KIAA1328: variants seen among roughly 807,000 people sequenced by gnomAD.
KIAA1328 encodes the protein KIAA1328.
A neutral mutation model predicts 68.1 loss-of-function variants in KIAA1328; 52 were observed. The ratio of observed to expected loss-of-function variants is 0.76; its 90% CI spans 0.61 to 0.96. KIAA1328 has a LOEUF of 0.96. Among genes scored for constraint, KIAA1328 ranks in the 40% least tolerant of loss-of-function variants. KIAA1328 has a pLI of 0.00. For synonymous variants in KIAA1328, 232 were observed against 239.4 expected (o/e 0.97, Z 0.28); for missense variants, 641 against 677.6 (o/e 0.95, Z 0.60).
At chr18:37,143,142 A>G (rs1408698224) in intron 7 of KIAA1328, among the ~76,000 whole-genome samples, 3 of 151,912 alleles carry the variant, frequency 2.0e-5, no homozygotes, top group South Asian at 2.1e-4. Flanking sequence ...TTTAGTAGCA[A>G]TGGGATTTTG....
chr18:37,117,461 C>T (rs993275253), intron 7 of KIAA1328, among the ~76,000 whole-genome samples: 8 of 151,864 alleles, frequency 5.3e-5, no homozygotes, highest in South Asian at 2.1e-4. Flanking sequence ...TTGGACACAG[C>T]GGTAGCGAAC....
chr18:37,002,792 A>G (rs1011380887), intron 6 of KIAA1328, among the ~76,000 whole-genome samples: 5 of 152,058 alleles, frequency 3.3e-5, no homozygotes, highest in African/African-American at 1.2e-4. Context: ...ATTTAGTGCA[A>G]TTTCTATCAA....
intron 6 of KIAA1328, among the ~76,000 whole-genome samples, chr18:37,060,712 C>T (rs1014539427): frequency 6.6e-6 from 1 of 152,154 alleles, no homozygotes; most frequent in African/African-American, 2.4e-5. Flanking sequence ...TTTGCACCAG[C>T]CTAATATAAG....
chr18:37,064,537 C>T (rs2056274199), intron 6 of KIAA1328, among the ~76,000 whole-genome samples: 3 of 43,702 alleles, frequency 6.9e-5, no homozygotes, highest in East Asian at 8.5e-4. Flanking sequence ...ACTGAAAGTA[C>T]CCCCCCCCCC....
intron 6 of KIAA1328, among the ~76,000 whole-genome samples, chr18:37,025,222 G>A (rs1339478601): frequency 2.0e-5 from 3 of 152,058 alleles, no homozygotes; most frequent in Non-Finnish European, 2.9e-5. Context: ...GATTCATAAA[G>A]CAAGTCCTCA....
chr18:37,050,109 A>C (rs2055631510), intron 6 of KIAA1328, among the ~76,000 whole-genome samples: 1 of 152,176 alleles, frequency 6.6e-6, no homozygotes, highest in Non-Finnish European at 1.5e-5. Flanking sequence ...TCTGGTTTCT[A>C]TTCCTGAGCC....
intron 5 of KIAA1328, among the ~76,000 whole-genome samples, chr18:36,907,851 A>G (rs932140926): frequency 6.6e-6 from 1 of 152,080 alleles, no homozygotes; most frequent in Non-Finnish European, 1.5e-5. Context: ...TCGTGTTAAA[A>G]TTTACTAAGA....
At chr18:37,059,402 AG>A (rs1338260367) in intron 6 of KIAA1328, among the ~76,000 whole-genome samples, 3 of 152,248 alleles carry the variant, frequency 2.0e-5, no homozygotes, top group African/African-American at 4.8e-5. Context: ...ACTTCTAAAA[AG>A]AAGACATTTA....
chr18:37,195,252 C>T (rs1019759713), intron 9 of KIAA1328, among the ~76,000 whole-genome samples: 1 of 152,190 alleles, frequency 6.6e-6, no homozygotes, highest in East Asian at 1.9e-4. Context: ...TCATCCTACT[C>T]CACCCTCTTC....
chr18:36,863,737 T>A (rs1276844085), intron 4 of KIAA1328, among the ~76,000 whole-genome samples: 1 of 152,206 alleles, frequency 6.6e-6, no homozygotes, highest in Non-Finnish European at 1.5e-5. Context: ...ACATATTTTC[T>A]TATATCTAAG....
intron 9 of KIAA1328, among the ~76,000 whole-genome samples, chr18:37,217,980 G>T (rs909718191): frequency 1.3e-5 from 2 of 152,108 alleles, no homozygotes; most frequent in South Asian, 4.1e-4. Flanking sequence ...TTAAGCCGGC[G>T]GCCAAAGAGA....
intron 9 of KIAA1328, among the ~76,000 whole-genome samples, chr18:37,187,725 G>C (rs1032014156): frequency 1.3e-5 from 2 of 151,996 alleles, no homozygotes. Context: ...CCCCACTTGG[G>C]CTCTGAGCAA....
intron 8 of KIAA1328, among the ~76,000 whole-genome samples, chr18:37,165,586 A>ATT (rs767099970): frequency 4.8e-5 from 6 of 125,982 alleles, no homozygotes; most frequent in Non-Finnish European, 5.1e-5. Flanking sequence ...CACCCGGCTA[A>ATT]TTTTTTTTTT....
intron 6 of KIAA1328, among the ~76,000 whole-genome samples, chr18:36,964,726 G>A (rs902079160): frequency 6.6e-6 from 1 of 151,942 alleles, no homozygotes; most frequent in Non-Finnish European, 1.5e-5. Flanking sequence ...TTCTATTTAG[G>A]TTGTAGTGTT....
intron 5 of KIAA1328, among the ~76,000 whole-genome samples, chr18:36,903,043 A>T (rs989738555): frequency 8.5e-5 from 13 of 152,094 alleles, no homozygotes; most frequent in Non-Finnish European, 1.2e-4. Flanking sequence ...TTAATAATTA[A>T]TGCCTTATTC....
chr18:37,012,726 G>A (rs935904053), intron 6 of KIAA1328, among the ~76,000 whole-genome samples: 20 of 152,296 alleles, frequency 1.3e-4, no homozygotes, highest in Non-Finnish European at 2.2e-4. Flanking sequence ...GCACTCTGGA[G>A]TGTAGTTTAA....
intron 6 of KIAA1328, among the ~76,000 whole-genome samples, chr18:37,048,498 C>G (rs573954251): frequency 2.0e-5 from 3 of 152,062 alleles, no homozygotes; most frequent in Non-Finnish European, 4.4e-5. Context: ...TTTGCCTATC[C>G]TTACTCTAGG....
At chr18:37,075,673 G>A (rs1210815358) in intron 7 of KIAA1328, 2 of 152,046 alleles carry the variant, frequency 1.3e-5, no homozygotes, top group Admixed American at 1.3e-4. Context: ...AAAAGGCAGA[G>A]GTTGCAATCC....
chr18:36,920,335 A>G (rs1336347740), intron 5 of KIAA1328, among the ~76,000 whole-genome samples: 1 of 152,098 alleles, frequency 6.6e-6, no homozygotes, highest in Non-Finnish European at 1.5e-5. Flanking sequence ...ATTATTGTCA[A>G]CATTGTGGAA....
Sources: gnomAD v4.1 joint callset for allele counts (sites outside exome capture counted in the v4.1 genomes callset) on GRCh38, gnomAD v4.1.1 for gene constraint, MANE v1.5 for transcripts, NCBI Gene and HGNC (gene_info 2026-07-23, HGNC 2026-07-21) for gene names.